The following PRKCE variants were observed in gnomAD, a reference collection of about 807,000 sequenced individuals.
PRKCE encodes protein kinase C epsilon type.
In PRKCE, 16 loss-of-function variants were observed where a neutral mutation model predicts 85.4. The observed-to-expected ratio is 0.19, with a 90% CI of 0.13 to 0.28. The LOEUF (loss-of-function observed/expected upper bound fraction) is 0.28. Among genes scored for constraint, PRKCE ranks in the 10% least tolerant of loss-of-function variants. The probability of loss-of-function intolerance (pLI) is 1.00; values close to 1 mark genes in which losing one functional copy is unlikely to be tolerated. For synonymous variants in PRKCE, 388 were observed against 371.5 expected (o/e 1.04, Z -0.51); for missense variants, 573 against 975.2 (o/e 0.59, Z 5.49).
At chr2:45,683,069 A>G (rs984291883) in intron 1 of PRKCE, among the ~76,000 whole-genome samples, 2 of 152,194 alleles carry the variant, frequency 1.3e-5, no homozygotes, top group Admixed American at 6.5e-5. Flanking sequence ...AACTTTGAGC[A>G]TTTTATCCTC....
At chr2:45,804,143 C>T (rs1184767753) in intron 1 of PRKCE, among the ~76,000 whole-genome samples, 1 of 152,192 alleles carries the variant, frequency 6.6e-6, no homozygotes, top group Non-Finnish European at 1.5e-5. Flanking sequence ...GTGCTTAATG[C>T]ATGACTCTAG....
At chr2:45,859,538 T>G (rs1036890563) in intron 2 of PRKCE, among the ~76,000 whole-genome samples, 2 of 152,248 alleles carry the variant, frequency 1.3e-5, no homozygotes, top group Non-Finnish European at 2.9e-5. Context: ...CCATTATAGT[T>G]TTAATTTATA....
At chr2:45,784,140 CAA>C (rs1315933728) in intron 1 of PRKCE, among the ~76,000 whole-genome samples, 1 of 152,250 alleles carries the variant, frequency 6.6e-6, no homozygotes, top group Non-Finnish European at 1.5e-5. Flanking sequence ...AGAAAAGTAG[CAA>C]TGCAAAGCAA....
intron 2 of PRKCE, among the ~76,000 whole-genome samples, chr2:45,891,726 A>T (rs62127254): frequency 0.082 from 12,412 of 152,266 alleles, 721 homozygotes; most frequent in South Asian, 0.21. Flanking sequence ...CGCTAGGCAT[A>T]TCACTGTTAC....
At chr2:46,102,118 T>C (rs1671298969) in intron 11 of PRKCE, among the ~76,000 whole-genome samples, 1 of 152,172 alleles carries the variant, frequency 6.6e-6, no homozygotes. Context: ...AAATCAGCCA[T>C]GATGGTAGTA....
intron 2 of PRKCE, among the ~76,000 whole-genome samples, chr2:45,881,658 T>C (rs977969977): frequency 6.6e-6 from 1 of 152,250 alleles, no homozygotes; most frequent in Non-Finnish European, 1.5e-5. Flanking sequence ...GTAGGTGCTA[T>C]AGTCATCCCC....
chr2:45,773,279 G>A (rs888445389), intron 1 of PRKCE, among the ~76,000 whole-genome samples: 2 of 152,190 alleles, frequency 1.3e-5, no homozygotes, highest in East Asian at 1.9e-4. Flanking sequence ...AGTGGTGGCC[G>A]AGGAGACCTG....
At chr2:45,740,795 G>A (rs1479097958) in intron 1 of PRKCE, among the ~76,000 whole-genome samples, 2 of 152,138 alleles carry the variant, frequency 1.3e-5, no homozygotes, top group Admixed American at 1.3e-4. Context: ...GATTCTACCT[G>A]GGTTCATCTC....
At chr2:46,117,980 A>T (rs1672942378) in intron 11 of PRKCE, among the ~76,000 whole-genome samples, 1 of 151,822 alleles carries the variant, frequency 6.6e-6, no homozygotes, top group Admixed American at 6.6e-5. Flanking sequence ...ACACTTCAAA[A>T]TGGCATTTGT....
At chr2:45,803,465 G>A (rs991735646) in intron 1 of PRKCE, among the ~76,000 whole-genome samples, 12 of 152,210 alleles carry the variant, frequency 7.9e-5, no homozygotes, top group African/African-American at 2.9e-4. Context: ...GCAAGGATTA[G>A]AAGATAGCTT....
intron 10 of PRKCE, among the ~76,000 whole-genome samples, chr2:46,062,310 G>A (rs1667220456): frequency 6.6e-6 from 1 of 152,274 alleles, no homozygotes; most frequent in East Asian, 1.9e-4. Context: ...AATCTGGCCC[G>A]GTGCATGAGG....
At chr2:45,941,201 G>A (rs1477434441) in intron 2 of PRKCE, among the ~76,000 whole-genome samples, 1 of 151,810 alleles carries the variant, frequency 6.6e-6, no homozygotes, top group African/African-American at 2.4e-5. Flanking sequence ...CCTTGAAGAA[G>A]CACTCATGTG....
In PRKCE at chr2:45,925,938, C is replaced by T. The variant is rs78546649; in HGVS notation, c.413-50491C>T. ...CCAGGCCAGGGATAACCTGAGGGTG[C>T]GATTCGGTGGGGGAGGCAAGGCTAA... On this transcript the variant is annotated intron_variant, in intron 2 of 14. Transcript: ENST00000306156. Among the ~76,000 whole-genome samples, 1,348 of 152,248 alleles carry T rather than the reference C, an allele frequency of 8.9e-3. 10 individuals are homozygous for T. The highest frequency in any genetic ancestry group is 0.012 in the Non-Finnish European group (826 of 68,012).
chr2:45,726,383 GC>G (rs1334097416), intron 1 of PRKCE, among the ~76,000 whole-genome samples: 1 of 152,168 alleles, frequency 6.6e-6, no homozygotes, highest in Non-Finnish European at 1.5e-5. Context: ...GGTTGCCACA[GC>G]CACCCTGACC....
In PRKCE at chr2:45,984,628, T is replaced by C. The variant is rs1321925148; in HGVS notation, c.771T>C (p.Asp257=). The C allele has an allele frequency of 6.3e-7, 1 of 1,599,738 alleles. No homozygotes were observed. Among genetic ancestry groups the C allele is most frequent in the East Asian group, 2.2e-5 (1 of 44,888 alleles). Residue 257 remains aspartate (D), a synonymous_variant, in exon 6 of 15, where the codon GAT becomes GAC. Coordinates refer to ENST00000306156, the MANE Select transcript of PRKCE (RefSeq NM_005400.3). The stretch of plus-strand genomic sequence containing the variant: ...ACTACAAGGTCCCTACCTTCTGCGA[T>C]CACTGTGGGTCCCTGCTCTGGGGAC... ...IHNYKVPTFC[D]HCGSLLWGLL...
intron 2 of PRKCE, among the ~76,000 whole-genome samples, chr2:45,908,862 A>G (rs2103804580): frequency 6.6e-6 from 1 of 152,218 alleles, no homozygotes; most frequent in East Asian, 1.9e-4. Flanking sequence ...GACAGGCTGT[A>G]CAGTGGGCAG....
At chr2:46,030,879 G>A (rs1003478186) in intron 10 of PRKCE, among the ~76,000 whole-genome samples, 2 of 152,096 alleles carry the variant, frequency 1.3e-5, no homozygotes, top group African/African-American at 4.8e-5. Context: ...TTTCTTCTCC[G>A]TGAAGACAGT....
chr2:46,070,597 CAT>C (rs1667997994), intron 10 of PRKCE, among the ~76,000 whole-genome samples: 1 of 151,666 alleles, frequency 6.6e-6, no homozygotes, highest in Non-Finnish European at 1.5e-5. Flanking sequence ...GAGCTGAGAT[CAT>C]GCCACTGCAC....
chr2:45,884,945 T>G (rs1280231324), intron 2 of PRKCE, among the ~76,000 whole-genome samples: 1 of 133,290 alleles, frequency 7.5e-6, no homozygotes, highest in African/African-American at 2.9e-5. Flanking sequence ...TGATCTGTTA[T>G]ATGTGATCCA....
Sources: allele counts gnomAD v4.1 joint callset (sites outside exome capture counted in the v4.1 genomes callset), GRCh38; gene constraint gnomAD v4.1.1; transcripts MANE v1.5; gene names NCBI Gene and HGNC (gene_info 2026-07-23, HGNC 2026-07-21).